Variants in NSD1 observed in about 807,000 individuals in gnomAD.
NSD1 encodes nuclear receptor binding SET domain protein 1.
In NSD1, 26 loss-of-function variants were observed where a neutral mutation model predicts 242.7. That is an observed-to-expected ratio of 0.11 (90% CI 0.08 to 0.15). The LOEUF (loss-of-function observed/expected upper bound fraction) is 0.15, where lower values mean the gene tolerates loss of function less well. Among genes scored for constraint, NSD1 ranks in the 10% least tolerant of loss-of-function variants. The probability of loss-of-function intolerance (pLI) is 1.00; values close to 1 mark genes in which losing one functional copy is unlikely to be tolerated. For missense variants in NSD1, 2,495 were observed against 3,272.8 expected (o/e 0.76, Z 5.80); for synonymous variants, 1,106 against 1,178.1 (o/e 0.94, Z 1.25).
In NSD1 at chr5:177,210,816, T is replaced by C. The variant is rs182665111; in HGVS notation, c.2417T>C (p.Ile806Thr). The change falls in exon 5 of 23, where the codon ATA becomes ACA. Residue 806 changes from isoleucine to threonine, a missense_variant. By Grantham distance (89) the Ile-to-Thr change is moderately conservative. Around this residue, in one of 19 missense-constraint regions of NSD1, gnomAD observed 515 missense variants for 467.0 expected, o/e 1.10. Transcript: ENST00000439151. ...CCAGTTATGGCAGAACCCCCAGTTA[T>C]AAATGAGGAGTGCAGTTTGAAATGC... Reference protein sequence around the residue: ...ENPVMAEPPVINEECSLKCCS... With the variant: ...ENPVMAEPPVTNEECSLKCCS... The C allele has an allele frequency of 5.0e-6, 8 of 1,614,190 alleles. No individual in the cohort carries two copies. The highest frequency in any genetic ancestry group is 1.6e-4 in the Middle Eastern group (1 of 6,062).
intron 20 of NSD1, among the ~76,000 whole-genome samples, chr5:177,284,906 GC>G (rs1759185134): frequency 6.6e-6 from 1 of 152,134 alleles, no homozygotes; most frequent in African/African-American, 2.4e-5. Flanking sequence ...TTGAGAAGCA[GC>G]CTGGGTAGTA....
rs762059460 is a variant in NSD1 at position 177,260,250 on chromosome 5, C to G, written c.5146+82C>G. 5.5e-6 allele frequency: 7 copies of G among 1,279,530 alleles called. No individual in the cohort carries two copies. The African/African-American group carries it at 1.0e-4, about 19-fold the overall frequency. The allele number at this position is 1,279,530 out of a possible 1,614,324, so 79.3% of individuals were successfully genotyped here. A position where few individuals can be genotyped will look rare whatever the true frequency, so the allele number is the denominator to read the frequency against. On this transcript the variant is annotated intron_variant, in intron 14 of 22. Transcript: ENST00000439151. ...TAATTGGAACAAAAATACTTTTCAT[C>G]ATATTGCCACTGGAAAAAATATTAG...
At chr5:177,161,605 A>G (rs1487611754) in intron 2 of NSD1, among the ~76,000 whole-genome samples, 1 of 151,760 alleles carries the variant, frequency 6.6e-6, no homozygotes, top group African/African-American at 2.4e-5. Context: ...AAACGATTGA[A>G]ATTATATTTT....
chr5:177,239,942 G>A, intron 8 of NSD1, 77 bp downstream of exon 8: 2 of 863,390 alleles, frequency 2.3e-6, no homozygotes, highest in South Asian at 2.8e-5. Flanking sequence ...TTGAGTAGCA[G>A]TTATAACATT....
intron 14 of NSD1, chr5:177,265,381 T>C (rs2149926451): frequency 1.7e-6 from 1 of 600,210 alleles, no homozygotes; most frequent in Non-Finnish European, 2.9e-6. Flanking sequence ...TGAAGATTTA[T>C]TGGCATAAAT....
At chr5:177,226,391 T>C (rs979549510) in intron 5 of NSD1, among the ~76,000 whole-genome samples, 3 of 152,248 alleles carry the variant, frequency 2.0e-5, no homozygotes, top group African/African-American at 7.2e-5. Flanking sequence ...TTAGTTTGTT[T>C]TCCAGTTTTA....
In NSD1 at chr5:177,267,733, T is replaced by C. The variant is rs772048613; in HGVS notation, c.5303+15T>C. ...GGACGATACAGGTAAGCCTGAAGAA[T>C]AGCACTCATCTCTTTTACCATCCTC... On this transcript the variant is annotated intron_variant, in intron 15 of 22. Coordinates refer to ENST00000439151, the MANE Select transcript of NSD1 (RefSeq NM_022455.5). 2.2e-5 allele frequency: 36 copies of C among 1,612,690 alleles called. No homozygotes were observed. In the East Asian group the frequency reaches 6.0e-4, roughly 27 times the overall value.
At chr5:177,247,167 C>T (rs980299983) in intron 10 of NSD1, among the ~76,000 whole-genome samples, 2 of 152,146 alleles carry the variant, frequency 1.3e-5, no homozygotes, top group East Asian at 3.8e-4. Flanking sequence ...CTGTGGCTCA[C>T]GCCTGTAATC....
chr5:177,138,270 T>G (rs1180141122), intron 2 of NSD1, among the ~76,000 whole-genome samples: 1 of 152,178 alleles, frequency 6.6e-6, no homozygotes, highest in Non-Finnish European at 1.5e-5. Flanking sequence ...GTTTATTTAT[T>G]TTTTTGAGAC....
intron 2 of NSD1, among the ~76,000 whole-genome samples, chr5:177,186,078 TA>T (rs1761195981): frequency 8.5e-6 from 1 of 117,850 alleles, no homozygotes; most frequent in Non-Finnish European, 1.6e-5. Flanking sequence ...ATGTTATATA[TA>T]ATATATTATA....
intron 2 of NSD1, among the ~76,000 whole-genome samples, chr5:177,142,481 TCA>T (rs1209887592): frequency 2.0e-5 from 3 of 152,134 alleles, no homozygotes; most frequent in African/African-American, 7.2e-5. Context: ...AGGGAGGACT[TCA>T]CAGAGTGGTT....
At chr5:177,262,189 A>G (rs1006202235) in intron 14 of NSD1, among the ~76,000 whole-genome samples, 1 of 152,224 alleles carries the variant, frequency 6.6e-6, no homozygotes, top group Admixed American at 6.5e-5. Flanking sequence ...CTTTTTCTGC[A>G]GCCTGCCTCA....
chr5:177,199,740 C>G (rs1365059984), intron 3 of NSD1, among the ~76,000 whole-genome samples: 1 of 151,696 alleles, frequency 6.6e-6, no homozygotes, highest in African/African-American at 2.4e-5. Flanking sequence ...GCTGGGATTA[C>G]AGGCACCTGC....
chr5:177,203,695 G>A (rs1762664391), intron 3 of NSD1, among the ~76,000 whole-genome samples: 1 of 151,016 alleles, frequency 6.6e-6, no homozygotes, highest in African/African-American at 2.4e-5. Flanking sequence ...CTTTATATTA[G>A]CCTAGTGTTT....
At chr5:177,220,022 G>A (rs72813160) in intron 5 of NSD1, among the ~76,000 whole-genome samples, 619 of 152,218 alleles carry the variant, frequency 4.1e-3, no homozygotes, top group Non-Finnish European at 6.7e-3. Flanking sequence ...TGACAAGAAT[G>A]TGTATTCTGC....
At chr5:177,261,790 C>T (rs536000729) in intron 14 of NSD1, among the ~76,000 whole-genome samples, 1 of 152,248 alleles carries the variant, frequency 6.6e-6, no homozygotes, top group South Asian at 2.1e-4. Context: ...TCAGTTTTCT[C>T]ATTTATTTTC....
chr5:177,191,780 C>A, intron 2 of NSD1, 104 bp from the exon 3 acceptor site: 1 of 1,218,746 alleles, frequency 8.2e-7, no homozygotes, highest in Non-Finnish European at 1.2e-6. Flanking sequence ...TGTTTTCATT[C>A]TCAATTTTTC....
intron 3 of NSD1, among the ~76,000 whole-genome samples, chr5:177,200,360 C>T (rs563048187): frequency 1.3e-5 from 2 of 152,132 alleles, no homozygotes; most frequent in Non-Finnish European, 2.9e-5. Context: ...CCTCCCGCCT[C>T]GGCCTCCCAA....
chr5:177,178,451 C>T (rs1029733226), intron 2 of NSD1, among the ~76,000 whole-genome samples: 12 of 152,238 alleles, frequency 7.9e-5, no homozygotes, highest in East Asian at 7.7e-4. Context: ...GTCTTGAACT[C>T]CCGACCTTAG....
Sources: gnomAD v4.1 joint callset for allele counts (sites outside exome capture counted in the v4.1 genomes callset) on GRCh38, gnomAD v4.1.1 for gene constraint, gnomAD v4.1.1 regional missense constraint, MANE v1.5 for transcripts, NCBI Gene and HGNC (gene_info 2026-07-23, HGNC 2026-07-21) for gene names.